Variants in EPM2A observed in about 807,000 individuals in gnomAD.
The protein encoded by EPM2A is laforin.
Under a neutral mutation model 26.5 loss-of-function variants are expected in EPM2A, and 21 were observed. That is an observed-to-expected ratio of 0.79 (90% CI 0.56 to 1.14). EPM2A has a LOEUF of 1.14. Ranked by LOEUF, EPM2A falls within the 50% of genes most tolerant of loss-of-function variation. EPM2A has a pLI of 0.00. For synonymous variants in EPM2A, 217 were observed against 177.6 expected (o/e 1.22, Z -1.76); for missense variants, 458 against 440.8 (o/e 1.04, Z -0.35).
intron 2 of EPM2A, among the ~76,000 whole-genome samples, chr6:145,663,084 T>C (rs1778851216): frequency 6.6e-6 from 1 of 152,170 alleles, no homozygotes; most frequent in Non-Finnish European, 1.5e-5. Context: ...TAGGTTGGAA[T>C]AGCAGTAAAA....
chr6:145,627,232 G>C lies in EPM2A; in HGVS notation c.*184C>G. On this transcript the variant is annotated 3_prime_UTR_variant, in exon 4 of 4. Transcript: ENST00000367519. ...TGTTGAGCCACAGCTTTCTTGTAGA[G>C]TATTTCAAAAATACAGCCCCAAAAC... 2.0e-6 allele frequency: 3 copies of C among 1,489,634 alleles called. No homozygotes were observed. The highest frequency in any genetic ancestry group is 2.7e-6 in the Non-Finnish European group (3 of 1,130,436). The allele number at this position is 1,489,634 out of a possible 1,614,324, so 92.3% of individuals were successfully genotyped here. A position where few individuals can be genotyped will look rare whatever the true frequency, so the allele number is the denominator to read the frequency against.
chr6:145,530,262 T>C (rs2114782761), intron 2 of EPM2A, among the ~76,000 whole-genome samples: 1 of 152,318 alleles, frequency 6.6e-6, no homozygotes, highest in East Asian at 1.9e-4. Context: ...ATCTGGGCTA[T>C]TCCCTCTAGA....
At chr6:145,567,082 A>G (rs1360946211) in intron 2 of EPM2A, among the ~76,000 whole-genome samples, 1 of 152,148 alleles carries the variant, frequency 6.6e-6, no homozygotes, top group Non-Finnish European at 1.5e-5. Flanking sequence ...TCTCCCCAAA[A>G]TCTAGGGAAA....
intron 2 of EPM2A, among the ~76,000 whole-genome samples, chr6:145,536,846 C>A (rs561805712): frequency 6.6e-6 from 1 of 152,322 alleles, no homozygotes; most frequent in South Asian, 2.1e-4. Flanking sequence ...CAGCCACCAT[C>A]ACTTGAATTT....
At chr6:145,536,168 AT>A (rs1562373763) in intron 2 of EPM2A, among the ~76,000 whole-genome samples, 1 of 151,960 alleles carries the variant, frequency 6.6e-6, no homozygotes, top group African/African-American at 2.4e-5. Context: ...TGTTTTTGCC[AT>A]TTCTTTACCC....
downstream of EPM2A, among the ~76,000 whole-genome samples, chr6:145,622,488 G>C (rs1276227806): frequency 6.6e-5 from 10 of 152,186 alleles, no homozygotes; most frequent in Admixed American, 6.5e-4. Context: ...TCAGAAATCA[G>C]GTGATCACAG....
At chr6:145,577,305 CTATAAAG>C (rs1781044779) in intron 2 of EPM2A, among the ~76,000 whole-genome samples, 1 of 148,096 alleles carries the variant, frequency 6.8e-6, no homozygotes, top group South Asian at 2.1e-4. Flanking sequence ...CCTATAAAGA[CTATAAAG>C]ACACATAGAC....
rs533889192 is a variant in EPM2A, at chr6:145,584,522, A to G, written c.340+50723T>C. Among the ~76,000 whole-genome samples, 3 of 152,246 alleles carry G rather than the reference A, an allele frequency of 2.0e-5. No homozygotes were observed. The East Asian group carries it at 5.8e-4, about 29-fold the overall frequency. On this transcript the variant is annotated intron_variant, in intron 2 of 3. Transcript: ENST00000450221. ...TCGCTGGCCATGCTCCACTGTAGCC[A>G]TTCTTATGCCAAAACCTCTGGGCTC...
intron 2 of EPM2A, among the ~76,000 whole-genome samples, chr6:145,581,977 A>G (rs1238885585): frequency 6.6e-6 from 1 of 151,788 alleles, no homozygotes; most frequent in Non-Finnish European, 1.5e-5. Flanking sequence ...GTCTCTTAAG[A>G]TTTTTTTTGT....
intron 2 of EPM2A, among the ~76,000 whole-genome samples, chr6:145,526,863 T>C (rs1780281323): frequency 6.6e-6 from 1 of 152,100 alleles, no homozygotes; most frequent in African/African-American, 2.4e-5. Flanking sequence ...GCTCCTCTAG[T>C]TGTGATATTA....
chr6:145,717,511 A>T (rs1334479339), intron 1 of EPM2A, among the ~76,000 whole-genome samples: 2 of 152,238 alleles, frequency 1.3e-5, no homozygotes, highest in Admixed American at 1.3e-4. Context: ...AGCTAATATC[A>T]TACTGAATGG....
At chr6:145,734,971 A>T (rs565361309) in intron 1 of EPM2A, 4 of 317,216 alleles carry the variant, frequency 1.3e-5, no homozygotes, top group Middle Eastern at 8.8e-4. Flanking sequence ...GGAGCGCTAT[A>T]CGGGTCTAGG....
rs138460243 is a variant in EPM2A at position 145,391,344 on chromosome 6, C to T, written c.556-7247G>A. Among the ~76,000 whole-genome samples, 27 of 152,210 alleles carry T rather than the reference C, an allele frequency of 1.8e-4. No individual in the cohort carries two copies. In the East Asian group the frequency reaches 3.3e-3, roughly 19 times the overall value. On this transcript the variant is annotated intron_variant, in intron 4 of 4. Coordinates refer to the EPM2A transcript ENST00000638717. ...ACATTCCTTCCTGATAAGAGACCAC[C>T]GACCATGGAATAATTGGTGCCAGTT...
intron 4 of EPM2A, among the ~76,000 whole-genome samples, chr6:145,470,198 A>G (rs1195325471): frequency 6.6e-6 from 1 of 152,172 alleles, no homozygotes; most frequent in African/African-American, 2.4e-5. Flanking sequence ...ACATCATAAA[A>G]TAGTATATGT....
intron 4 of EPM2A, among the ~76,000 whole-genome samples, chr6:145,434,544 T>C (rs1405166048): frequency 1.3e-5 from 2 of 152,176 alleles, no homozygotes; most frequent in African/African-American, 2.4e-5. Flanking sequence ...TAAAATAGAA[T>C]CCAATTCTCT....
intron 2 of EPM2A, among the ~76,000 whole-genome samples, chr6:145,511,800 T>A (rs919141307): frequency 2.0e-5 from 3 of 152,144 alleles, no homozygotes; most frequent in East Asian, 3.9e-4. Context: ...GGCATTCAGA[T>A]TGGGAAAGAG....
At chr6:145,610,503 T>C (rs956600897) in intron 2 of EPM2A, among the ~76,000 whole-genome samples, 6 of 152,236 alleles carry the variant, frequency 3.9e-5, no homozygotes, top group African/African-American at 1.4e-4. Flanking sequence ...TCCATGCTAG[T>C]CATCCTAAGC....
At position 145,575,419 on chromosome 6, in the gene EPM2A, A is replaced by C. The variant is rs1173726016; in HGVS notation, c.340+59826T>G. On this transcript the variant is annotated intron_variant, in intron 2 of 3. Transcript: ENST00000450221. ...GTTGCAGGTCAGCCACTTGCATGAT[A>C]AGAGGTTGTATCTGTTTTTCCGCAA... Among the ~76,000 whole-genome samples, 4 of 152,154 alleles carry C rather than the reference A, an allele frequency of 2.6e-5. No individual in the cohort carries two copies. In the East Asian group the frequency reaches 7.7e-4, roughly 29 times the overall value.
rs533081661 is a variant in EPM2A, at chr6:145,558,418, A to G, written c.341-55843T>C. Among the ~76,000 whole-genome samples the G allele has an allele frequency of 3.3e-5, 5 of 152,256 alleles. No homozygotes were observed. The South Asian group carries it at 6.2e-4, about 19-fold the overall frequency. On this transcript the variant is annotated intron_variant, in intron 2 of 3. Transcript: ENST00000450221. ...ATGGGAATGCAGATATCTGTTTGACATACTGATTTCTTTTGGATATATACC... is the reference window on the plus strand; with the variant it reads ...ATGGGAATGCAGATATCTGTTTGACGTACTGATTTCTTTTGGATATATACC...
Sources: gnomAD v4.1 joint callset for allele counts (sites outside exome capture counted in the v4.1 genomes callset) on GRCh38, gnomAD v4.1.1 for gene constraint, MANE v1.5 for transcripts, NCBI Gene and HGNC (gene_info 2026-07-23, HGNC 2026-07-21) for gene names.